The following DLG1 variants were observed in gnomAD, a reference collection of about 807,000 sequenced individuals.
DLG1 encodes the protein disks large homolog 1.
DLG1 carries 42 observed loss-of-function variants against 123.4 expected under a neutral mutation model. The ratio of observed to expected loss-of-function variants is 0.34; its 90% CI spans 0.27 to 0.44. The LOEUF (loss-of-function observed/expected upper bound fraction) is 0.44, where lower values mean the gene tolerates loss of function less well. Ranked by LOEUF, DLG1 falls within the 20% of genes least tolerant of loss-of-function variation. The pLI is 1.00. For synonymous variants in DLG1, 317 were observed against 356.2 expected, an observed-to-expected ratio of 0.89 and a Z score of 1.24; for missense variants, 942 against 1,082.6, an observed-to-expected ratio of 0.87 and a Z score of 1.82.
chr3:197,290,027 T>C (rs140889190), intron 3 of DLG1, among the ~76,000 whole-genome samples: 331 of 152,262 alleles, frequency 2.2e-3, no homozygotes, highest in Non-Finnish European at 3.4e-3. Flanking sequence ...CTGGAACATC[T>C]TGTTATGCCA....
chr3:197,135,265 T>C (rs1784513720), intron 10 of DLG1, among the ~76,000 whole-genome samples: 1 of 152,198 alleles, frequency 6.6e-6, no homozygotes, highest in Non-Finnish European at 1.5e-5. Context: ...CCCACCCAAA[T>C]GTCATCCTGA....
chr3:197,222,015 GT>G (rs779111563), intron 4 of DLG1, among the ~76,000 whole-genome samples: 2 of 152,150 alleles, frequency 1.3e-5, no homozygotes, highest in African/African-American at 2.4e-5. Flanking sequence ...TTAATGCTAT[GT>G]AAATAGTTGT....
At position 197,297,993 on chromosome 3, in the gene DLG1, C is replaced by T. The variant is rs867575725; in HGVS notation, c.-32+543G>A. ...CCCGCGGCCTCGTCCTCCTTCTCGG[C>T]CGCGCCGCCTCCTCGCTCGCCGCGG... On this transcript the variant is annotated intron_variant, in intron 1 of 24. Coordinates refer to ENST00000667157, the MANE Select transcript of DLG1 (RefSeq NM_001366207.1). 561 of 919,596 alleles carry T rather than the reference C, an allele frequency of 6.1e-4. 7 individuals are homozygous for T. In the African/African-American group the frequency reaches 9.3e-3, roughly 15 times the overall value. The allele number at this position is 919,596 out of a possible 1,614,324, so 57.0% of individuals were successfully genotyped here. A position where few individuals can be genotyped will look rare whatever the true frequency, so the allele number is the denominator to read the frequency against.
At chr3:197,086,373 T>C (rs887056017) in intron 15 of DLG1, among the ~76,000 whole-genome samples, 3 of 152,210 alleles carry the variant, frequency 2.0e-5, no homozygotes, top group African/African-American at 7.2e-5. Context: ...TAAAATTTGA[T>C]AAAAAGAAAA....
chr3:197,133,886 T>C (rs6583196), intron 10 of DLG1, among the ~76,000 whole-genome samples: 113,297 of 152,072 alleles, frequency 0.75, 42,316 homozygotes, highest in East Asian at 0.81. Flanking sequence ...TCAATTAAGA[T>C]GAGGACTGAG....
chr3:197,232,582 CA>C (rs1212447137), intron 4 of DLG1, among the ~76,000 whole-genome samples: 8 of 151,860 alleles, frequency 5.3e-5, no homozygotes, highest in Admixed American at 5.2e-4. Flanking sequence ...CTACTAGATC[CA>C]AATCTTGAAC....
intron 4 of DLG1, among the ~76,000 whole-genome samples, chr3:197,229,436 G>C (rs936143516): frequency 7.3e-5 from 10 of 137,234 alleles, no homozygotes; most frequent in Non-Finnish European, 1.5e-4. Context: ...CTGGGTGACA[G>C]AGTGACAGCC....
chr3:197,283,545 C>T (rs1770370660), intron 3 of DLG1, among the ~76,000 whole-genome samples: 1 of 152,080 alleles, frequency 6.6e-6, no homozygotes, highest in African/African-American at 2.4e-5. Flanking sequence ...TTTAAAAGAT[C>T]AAATGACTTT....
At chr3:197,182,800 G>A (rs2150148321) in intron 5 of DLG1, among the ~76,000 whole-genome samples, 1 of 152,092 alleles carries the variant, frequency 6.6e-6, no homozygotes, top group African/African-American at 2.4e-5. Flanking sequence ...CACCCTTGTA[G>A]CAAACAATAG....
At chr3:197,127,423 CAAAAAAAAAAAAAAAAAAAAAAA>C (rs34530877) in intron 11 of DLG1, among the ~76,000 whole-genome samples, 5 of 39,562 alleles carry the variant, frequency 1.3e-4, no homozygotes, top group African/African-American at 5.9e-4. Flanking sequence ...ATTCTGTCTC[CAAAAAAAAAAAAAAAAAAAAAAA>C]AAAAAAAAAA....
At chr3:197,114,970 CG>C (rs1772326673) in intron 13 of DLG1, among the ~76,000 whole-genome samples, 3 of 119,810 alleles carry the variant, frequency 2.5e-5, no homozygotes, top group Admixed American at 2.3e-4. Flanking sequence ...GGCAACAGAG[CG>C]AGACTCCATC....
At chr3:197,221,229 T>TA (rs1334096282) in intron 4 of DLG1, among the ~76,000 whole-genome samples, 13 of 152,084 alleles carry the variant, frequency 8.5e-5, no homozygotes, top group African/African-American at 3.1e-4. Flanking sequence ...TAAAGAAACA[T>TA]AACAGGGACC....
At chr3:197,294,657 CAAAAAAAAAAAAAA>C (rs71926647) in intron 3 of DLG1, among the ~76,000 whole-genome samples, 22 of 79,122 alleles carry the variant, frequency 2.8e-4, no homozygotes, top group Admixed American at 2.4e-3. Flanking sequence ...GACTCTGCCT[CAAAAAAAAAAAAAA>C]AAAAAAAGAG....
intron 5 of DLG1, among the ~76,000 whole-genome samples, chr3:197,161,152 C>T (rs1206686115): frequency 2.0e-5 from 3 of 152,108 alleles, no homozygotes; most frequent in Admixed American, 1.3e-4. Context: ...CATATACTCC[C>T]AGATATGTTG....
At position 197,297,138 on chromosome 3, in the gene DLG1, C is replaced by T. The variant is rs768778534; in HGVS notation, c.19+48G>A. On this transcript the variant is annotated intron_variant, in intron 2 of 24. Transcript: ENST00000667157. ...AAACGGCAATCAAAAAACTGACACA[C>T]GGAAAAGCAAGTGACATCGACAACA... is the stretch of plus-strand genomic sequence containing the variant. The T allele has an allele frequency of 9.3e-6, 15 of 1,609,560 alleles. No individual in the cohort carries two copies. In the Admixed American group the frequency reaches 1.0e-4, roughly 11 times the overall value.
intron 2 of DLG1, chr3:197,296,962 G>GGGA (rs1553843633): frequency 1.8e-6 from 1 of 559,270 alleles, no homozygotes; most frequent in Non-Finnish European, 3.1e-6. Flanking sequence ...TTGGGGGGGG[G>GGGA]CTAACTGCCT....
At chr3:197,136,510 G>T in intron 10 of DLG1, 32 bp downstream of exon 10, 2 of 1,570,960 alleles carry the variant, frequency 1.3e-6, no homozygotes, top group South Asian at 2.3e-5. Context: ...ACTACAAAAT[G>T]ATTTAAAAGA....
intron 23 of DLG1, among the ~76,000 whole-genome samples, chr3:197,057,763 T>A (rs1015511843): frequency 6.6e-6 from 1 of 152,198 alleles, no homozygotes; most frequent in East Asian, 1.9e-4. Context: ...ATCTCTTTGG[T>A]GTCTGCTGCA....
intron 4 of DLG1, among the ~76,000 whole-genome samples, chr3:197,251,150 C>T (rs1173442745): frequency 2.0e-5 from 3 of 151,296 alleles, no homozygotes; most frequent in Non-Finnish European, 4.4e-5. Flanking sequence ...TTTGGGAGGC[C>T]GAGGTGGGTG....
Sources: gnomAD v4.1 joint callset for allele counts (sites outside exome capture counted in the v4.1 genomes callset) on GRCh38, gnomAD v4.1.1 for gene constraint, MANE v1.5 for transcripts, NCBI Gene and HGNC (gene_info 2026-07-23, HGNC 2026-07-21) for gene names.